SEPTIN9: variants seen among roughly 807,000 people sequenced by gnomAD.
SEPTIN9 encodes the protein septin 9.
SEPTIN9 carries 13 observed loss-of-function variants against 56.6 expected under a neutral mutation model. The observed-to-expected ratio is 0.23, with a 90% CI of 0.15 to 0.37. The LOEUF (loss-of-function observed/expected upper bound fraction) is 0.37. Among genes scored for constraint, SEPTIN9 ranks in the 10% least tolerant of loss-of-function variants. The pLI is 1.00. For missense variants in SEPTIN9, 650 were observed against 823.1 expected, an observed-to-expected ratio of 0.79 and a Z score of 2.57; for synonymous variants, 332 against 334.1, an observed-to-expected ratio of 0.99 and a Z score of 0.07.
At position 77,369,324 on chromosome 17, in the gene SEPTIN9, T is replaced by C. The variant is rs1379012309; in HGVS notation, c.77-32735T>C. 6.6e-6 allele frequency among the ~76,000 whole-genome samples: 1 copy of C among 152,202 alleles called. No individual in the cohort carries two copies. Among genetic ancestry groups the C allele is most frequent in the African/African-American group, 2.4e-5 (1 of 41,444 alleles). On this transcript the variant is annotated intron_variant, in intron 2 of 11. Coordinates refer to ENST00000427177, the MANE Select transcript of SEPTIN9 (RefSeq NM_001113491.2). This position sits in a 1 kb window ranked among gnomAD's most constrained non-coding sequence, Gnocchi z 4.9. ...CTACAAATCGGGAAACTGAGTGTTG[T>C]TGCTTTTGCTGGCCCCAGGTGGCCG...
At chr17:77,295,854 G>C (rs2031788424) in intron 1 of SEPTIN9, among the ~76,000 whole-genome samples, 1 of 151,830 alleles carries the variant, frequency 6.6e-6, no homozygotes, top group Non-Finnish European at 1.5e-5. Flanking sequence ...GACGCTGATG[G>C]ACCATATCTT....
chr17:77,455,023 G>A (rs368365782), intron 3 of SEPTIN9, among the ~76,000 whole-genome samples: 3 of 152,028 alleles, frequency 2.0e-5, no homozygotes, highest in Admixed American at 6.6e-5. Context: ...CTGGCCGGCC[G>A]GCCTAAACGC....
intron 3 of SEPTIN9, among the ~76,000 whole-genome samples, chr17:77,480,289 G>A (rs932274244): frequency 3.3e-5 from 5 of 152,220 alleles, no homozygotes; most frequent in African/African-American, 1.2e-4. Flanking sequence ...CCAGCCCCCA[G>A]TTTCTGGCTT....
intron 2 of SEPTIN9, among the ~76,000 whole-genome samples, chr17:77,366,074 C>T (rs1008152192): frequency 1.3e-5 from 2 of 152,130 alleles, no homozygotes; most frequent in Non-Finnish European, 2.9e-5. Context: ...TCTAGCCAAG[C>T]CTCCTGGTAC....
chr17:77,454,138 C>G (rs1037953843), intron 3 of SEPTIN9: 2 of 985,746 alleles, frequency 2.0e-6, no homozygotes, highest in Non-Finnish European at 2.4e-6. Flanking sequence ...CCCCGCCGGC[C>G]CCTCTCTGCA....
In SEPTIN9 at chr17:77,429,314, C is replaced by T. The variant is rs1033238040; in HGVS notation, c.721+26611C>T. 16 of 469,024 alleles carry T rather than the reference C, an allele frequency of 3.4e-5. No homozygotes were observed. Among genetic ancestry groups the T allele is most frequent in the African/African-American group, 1.8e-4 (9 of 50,058 alleles). The allele number at this position is 469,024 out of a possible 1,614,324, so 29.1% of individuals were successfully genotyped here. On this transcript the variant is annotated intron_variant, in intron 3 of 11. Transcript: ENST00000427177. This position sits in a 1 kb window ranked among gnomAD's most constrained non-coding sequence, Gnocchi z 5.2. Reference sequence around the variant, plus strand: ...CGTCAGCACGCAGGCCTCCTGCCCTCGCCACGACTGGCTCCTGCAGCCCAC... The same window carrying T: ...CGTCAGCACGCAGGCCTCCTGCCCTTGCCACGACTGGCTCCTGCAGCCCAC...
chr17:77,495,142 C>T (rs772089336), intron 10 of SEPTIN9, among the ~76,000 whole-genome samples: 2 of 151,920 alleles, frequency 1.3e-5, no homozygotes, highest in East Asian at 1.9e-4. Context: ...CCTTGAGTAC[C>T]GCAGGTGGCC....
At chr17:77,297,565 G>A (rs1416077814) in intron 1 of SEPTIN9, among the ~76,000 whole-genome samples, 1 of 152,202 alleles carries the variant, frequency 6.6e-6, no homozygotes, top group African/African-American at 2.4e-5. Context: ...CATGGTGATG[G>A]TCTCCATCCC....
intron 10 of SEPTIN9, chr17:77,496,294 T>A (rs2040254166): frequency 6.6e-6 from 1 of 152,218 alleles, no homozygotes; most frequent in Admixed American, 6.5e-5. Flanking sequence ...CCCAAAGTGC[T>A]GGGATTGCAG....
rs1340209582 is a variant in SEPTIN9, at chr17:77,492,822, C to A, written c.1476+106C>A. 3 of 1,250,184 alleles carry A rather than the reference C, an allele frequency of 2.4e-6. No individual in the cohort carries two copies. The highest frequency in any genetic ancestry group is 2.3e-6 in the Non-Finnish European group (2 of 852,368). 77.4% of individuals were successfully genotyped at this position (1,250,184 alleles called of 1,614,324 possible). On this transcript the variant is annotated intron_variant, in intron 9 of 11. Coordinates refer to ENST00000427177, the MANE Select transcript of SEPTIN9 (RefSeq NM_001113491.2). This position sits in a 1 kb window ranked among gnomAD's most constrained non-coding sequence, Gnocchi z 5.4. ...AAGCCATGAAATTATATTCTTGGGG[C>A]CAGAGGGCACTGAGCCCAGGTGTCT...
intron 3 of SEPTIN9, 174 bp from the exon 4 acceptor site, chr17:77,481,970 G>A (rs1016083370): frequency 2.1e-5 from 13 of 631,796 alleles, no homozygotes; most frequent in South Asian, 4.0e-5. Flanking sequence ...AGGACACCAC[G>A]GCCAGGGACA....
intron 2 of SEPTIN9, among the ~76,000 whole-genome samples, chr17:77,325,108 C>T (rs545755616): frequency 1.7e-4 from 26 of 151,956 alleles, no homozygotes; most frequent in Middle Eastern, 6.8e-3. Context: ...CGTGAGTCAC[C>T]GCACCCAGGC....
chr17:77,408,286 C>T (rs1043085083), intron 3 of SEPTIN9, among the ~76,000 whole-genome samples: 1 of 152,190 alleles, frequency 6.6e-6, no homozygotes, highest in Non-Finnish European at 1.5e-5. Context: ...ACCCCAAGAA[C>T]CAAGAAGGGA....
At chr17:77,439,875 C>A (rs566571377) in intron 3 of SEPTIN9, among the ~76,000 whole-genome samples, 2 of 152,220 alleles carry the variant, frequency 1.3e-5, no homozygotes, top group Non-Finnish European at 2.9e-5. Flanking sequence ...AGGGCCTTGC[C>A]GAGTGCTGCC....
chr17:77,403,461 C>T (rs987864497), intron 3 of SEPTIN9, among the ~76,000 whole-genome samples: 4 of 152,190 alleles, frequency 2.6e-5, no homozygotes, highest in Non-Finnish European at 4.4e-5. Context: ...AGCCCACAGC[C>T]GTGCTGACAT....
chr17:77,326,295 G>A lies in SEPTIN9; in HGVS notation c.76+19098G>A, dbSNP rs2033137634. 6.6e-6 allele frequency among the ~76,000 whole-genome samples: 1 copy of A among 152,208 alleles called. No individual in the cohort carries two copies. The highest frequency in any genetic ancestry group is 2.1e-4 in the South Asian group (1 of 4,832). On this transcript the variant is annotated intron_variant, in intron 2 of 11. Transcript: ENST00000427177. The surrounding 1 kb of genome is among the most constrained non-coding windows in gnomAD (Gnocchi z 5.1). Reference sequence around the variant, plus strand: ...GAGGACAAAGCCAGACACAGTCCTTGCCCTCATGGGACTGCACAAGTGCAA... The same window carrying A: ...GAGGACAAAGCCAGACACAGTCCTTACCCTCATGGGACTGCACAAGTGCAA...
At chr17:77,438,109 G>T (rs191057633) in intron 3 of SEPTIN9, among the ~76,000 whole-genome samples, 1 of 152,224 alleles carries the variant, frequency 6.6e-6, no homozygotes, top group Non-Finnish European at 1.5e-5. Context: ...CCTTGTGACC[G>T]AAAGGAGCTG....
rs546283819 is a variant in SEPTIN9, at chr17:77,499,236, G to T, written c.*578G>T. 188 of 588,816 alleles carry T rather than the reference G, an allele frequency of 3.2e-4. No homozygotes were observed. Among genetic ancestry groups the T allele is most frequent in the Non-Finnish European group, 4.4e-4 (134 of 305,150 alleles). The allele number at this position is 588,816 out of a possible 1,614,324, so 36.5% of individuals were successfully genotyped here. On this transcript the variant is annotated 3_prime_UTR_variant, in exon 12 of 12. Transcript: ENST00000427177. Reference sequence around the variant, plus strand: ...ACTCCAGGGTCCCCTGCCACCGACTGCCCAGCCACTCCAAGCCCCCTGGCA... The same window carrying T: ...ACTCCAGGGTCCCCTGCCACCGACTTCCCAGCCACTCCAAGCCCCCTGGCA...
At chr17:77,331,678 G>T (rs987384034) in intron 2 of SEPTIN9, among the ~76,000 whole-genome samples, 13 of 152,154 alleles carry the variant, frequency 8.5e-5, no homozygotes, top group Admixed American at 8.5e-4. Flanking sequence ...TGTAGTTTCC[G>T]CCAACTGTGA....
Sources: gnomAD v4.1 joint callset for allele counts (sites outside exome capture counted in the v4.1 genomes callset) on GRCh38, gnomAD v4.1.1 for gene constraint, Gnocchi (gnomAD v3.1) non-coding constraint, MANE v1.5 for transcripts, NCBI Gene and HGNC (gene_info 2026-07-23, HGNC 2026-07-21) for gene names.